Variants in PDXDC1 observed in about 807,000 individuals in gnomAD.
PDXDC1 encodes pyridoxal-dependent decarboxylase domain-containing protein 1.
Under a neutral mutation model 100.1 loss-of-function variants are expected in PDXDC1, and 42 were observed. The observed-to-expected ratio is 0.42, with a 90% CI of 0.33 to 0.54. The LOEUF is 0.54. PDXDC1 is among the 20% of genes least tolerant of loss of function. The probability of loss-of-function intolerance (pLI) is 0.10; values close to 1 mark genes in which losing one functional copy is unlikely to be tolerated. For synonymous variants in PDXDC1, 260 were observed against 371.7 expected (o/e 0.70, Z 3.46); for missense variants, 636 against 979.2 (o/e 0.65, Z 4.68).
At chr16:15,022,219 C>A (rs1344415520) in intron 12 of PDXDC1, among the ~76,000 whole-genome samples, 1 of 152,298 alleles carries the variant, frequency 6.6e-6, no homozygotes, top group African/African-American at 2.4e-5. Context: ...GAGATACATA[C>A]TATCCTCCCC....
intron 1 of PDXDC1, among the ~76,000 whole-genome samples, chr16:14,997,057 G>A (rs1414763278): frequency 2.0e-5 from 3 of 152,296 alleles, no homozygotes; most frequent in Non-Finnish European, 4.4e-5. Flanking sequence ...ACCCCCATGG[G>A]ACTTGTAACT....
At chr16:15,094,195 A>G (rs1276447044) in intron 16 of PDXDC1, 31 of 1,600,436 alleles carry the variant, frequency 1.9e-5, no homozygotes, top group Non-Finnish European at 2.4e-5. Context: ...AAGCGGCCGC[A>G]TCTCCCGGCA....
intron 16 of PDXDC1, among the ~76,000 whole-genome samples, chr16:15,077,909 G>A (rs924945435): frequency 2.0e-5 from 3 of 152,142 alleles, no homozygotes; most frequent in East Asian, 3.9e-4. Flanking sequence ...GTGTGAAAAT[G>A]GACTAATACA....
intron 16 of PDXDC1, among the ~76,000 whole-genome samples, chr16:15,129,640 T>C (rs1354720500): frequency 6.6e-6 from 1 of 152,254 alleles, no homozygotes; most frequent in Non-Finnish European, 1.5e-5. Context: ...GCCACGCTAC[T>C]GTGCAGAATG....
At chr16:15,030,405 G>GCACCCTGTCCACAGCCCCCA (rs1457799782) in intron 16 of PDXDC1, among the ~76,000 whole-genome samples, 167 of 151,462 alleles carry the variant, frequency 1.1e-3, no homozygotes, top group Non-Finnish European at 1.2e-3. Context: ...AATTAGCCAG[G>GCACCCTGTCCACAGCCCCCA]CATGGTGGTA....
At chr16:15,044,552 G>A (rs779944397) in intron 16 of PDXDC1, 1 of 654,308 alleles carries the variant, frequency 1.5e-6, no homozygotes, top group East Asian at 2.7e-5. Context: ...GCAAAAGAAA[G>A]TATCGGCAGC....
In PDXDC1 at chr16:15,079,959, T is replaced by C. The variant is rs759890022; in HGVS notation, c.1399+49903T>C. 1.9e-6 allele frequency: 3 copies of C among 1,540,502 alleles called. No individual in the cohort carries two copies. In the South Asian group the frequency reaches 3.6e-5, roughly 19 times the overall value. On this transcript the variant is annotated intron_variant, in intron 16 of 16. Transcript: ENST00000535621. Reference sequence around the variant, plus strand: ...ATACTGTGATTATAACAAATTCAAGTCAGTAAATGAAAATAAAAATAGATT... The same window carrying C: ...ATACTGTGATTATAACAAATTCAAGCCAGTAAATGAAAATAAAAATAGATT...
chr16:14,989,701 A>G lies in PDXDC1; in HGVS notation c.22-8052A>G, dbSNP rs1970269815. 6 of 1,559,628 alleles carry G rather than the reference A, an allele frequency of 3.8e-6. No individual in the cohort carries two copies. In the East Asian group the frequency reaches 1.2e-4, roughly 31 times the overall value. ...GGACCTGGGGACCCCAGCTGCAGGC[A>G]ACGCACGCGGCGCAGCAGCCCCTCC... On this transcript the variant is annotated intron_variant, in intron 1 of 22. Transcript: ENST00000396410.
At chr16:15,017,587 T>G (rs2041887232) in intron 11 of PDXDC1, among the ~76,000 whole-genome samples, 165 bp downstream of exon 11, 1 of 152,288 alleles carries the variant, frequency 6.6e-6, no homozygotes, top group Non-Finnish European at 1.5e-5. Flanking sequence ...AATGACATTT[T>G]ATGATTGTAT....
downstream of PDXDC1, chr16:15,038,505 C>CT (rs1293604743): frequency 3.6e-5 from 33 of 926,438 alleles, no homozygotes; most frequent in South Asian, 6.0e-5. Flanking sequence ...GGTCTAAACC[C>CT]TTTTTTTCTT....
chr16:15,112,036 G>A (rs557816049), intron 16 of PDXDC1, among the ~76,000 whole-genome samples: 2 of 147,026 alleles, frequency 1.4e-5, no homozygotes, highest in African/African-American at 4.9e-5. Context: ...CAGCTTCGTT[G>A]AGGCTGGTTT....
the PDXDC1 span, among the ~76,000 whole-genome samples, chr16:15,146,640 G>A: frequency 2.1e-4 from 32 of 152,118 alleles, no homozygotes; most frequent in African/African-American, 6.0e-4. Flanking sequence ...GAGTCCACCC[G>A]CCCAGGCTGC....
intron 16 of PDXDC1, among the ~76,000 whole-genome samples, chr16:15,117,210 C>T (rs1210329541): frequency 9.1e-5 from 1 of 10,948 alleles, no homozygotes; most frequent in Non-Finnish European, 1.9e-4. Context: ...GCAGAGGTTG[C>T]GGTGAGCTGA....
At chr16:15,041,806 C>T (rs2043827696), downstream of PDXDC1, 4 of 720,260 alleles carry the variant, frequency 5.6e-6, no homozygotes, top group Admixed American at 5.7e-5. Context: ...CCCGCGCCCA[C>T]ACTGCCACAG....
chr16:15,012,997 C>T (rs529224460), intron 8 of PDXDC1, among the ~76,000 whole-genome samples: 8 of 152,252 alleles, frequency 5.3e-5, no homozygotes, highest in African/African-American at 9.6e-5. Context: ...GGTGAAACCC[C>T]GTTTCCACTA....
chr16:14,975,472 C>T (rs1204336907), intron 1 of PDXDC1: 3 of 985,368 alleles, frequency 3.0e-6, no homozygotes, highest in Non-Finnish European at 3.6e-6. Flanking sequence ...GGCCCGGAGC[C>T]CAGGACTGGG....
rs143749736 is a variant in PDXDC1, at chr16:15,032,213, A to C, written c.1571+307A>C. 431 of 359,928 alleles carry C rather than the reference A, an allele frequency of 1.2e-3. 3 individuals are homozygous for C. Among genetic ancestry groups the C allele is most frequent in the African/African-American group, 8.0e-3 (399 of 49,892 alleles). 22.3% of individuals were successfully genotyped at this position (359,928 alleles called of 1,614,324 possible). A position where few individuals can be genotyped will look rare whatever the true frequency, so the allele number is the denominator to read the frequency against. On this transcript the variant is annotated intron_variant, in intron 17 of 22. Coordinates refer to ENST00000396410, the MANE Select transcript of PDXDC1 (RefSeq NM_015027.4). ...AATGGTTACTATCCAGGGCATATAG[A>C]GAATTGCAAATCAGTAAGAAAAAGA...
At chr16:14,996,645 A>G (rs990659582) in intron 1 of PDXDC1, among the ~76,000 whole-genome samples, 1 of 152,270 alleles carries the variant, frequency 6.6e-6, no homozygotes, top group African/African-American at 2.4e-5. Context: ...ACTTGAGCTC[A>G]GGAGTTTGAG....
chr16:15,048,205 T>G, intron 16 of PDXDC1: 2 of 712,310 alleles, frequency 2.8e-6, no homozygotes, highest in East Asian at 2.7e-5. Context: ...AGCACGCTAG[T>G]GTGTGGGGAG....
Sources: allele counts gnomAD v4.1 joint callset (sites outside exome capture counted in the v4.1 genomes callset), GRCh38; gene constraint gnomAD v4.1.1; transcripts MANE v1.5; gene names NCBI Gene and HGNC (gene_info 2026-07-23, HGNC 2026-07-21).